The following CSMD3 variants were observed in gnomAD, a reference collection of about 807,000 sequenced individuals.
CSMD3 encodes CUB and sushi domain-containing protein 3.
In CSMD3, 177 loss-of-function variants were observed where a neutral mutation model predicts 435.2. The observed-to-expected ratio is 0.41, with a 90% CI of 0.36 to 0.46. CSMD3 has a LOEUF of 0.46. Among genes scored for constraint, CSMD3 ranks in the 20% least tolerant of loss-of-function variants. The pLI is 0.34. For synonymous variants in CSMD3, 1,656 were observed against 1,520.5 expected (o/e 1.09, Z -2.07); for missense variants, 4,265 against 4,504.6 (o/e 0.95, Z 1.52).
At position 112,367,520 on chromosome 8, in the gene CSMD3, T is replaced by A. The variant is rs578070374; in HGVS notation, c.6136+12832A>T. 7.9e-5 allele frequency among the ~76,000 whole-genome samples: 12 copies of A among 152,276 alleles called. No homozygotes were observed. The South Asian group carries it at 2.5e-3, about 32-fold the overall frequency. On this transcript the variant is annotated intron_variant, in intron 38 of 70. Transcript: ENST00000297405. ...CAGAAGACCAGAAACCTGAGAATCA[T>A]CCTCTACTCCTTTTTCTCTCTCATC...
At chr8:112,567,208 C>T (rs925500844) in intron 24 of CSMD3, among the ~76,000 whole-genome samples, 1 of 152,272 alleles carries the variant, frequency 6.6e-6, no homozygotes, top group African/African-American at 2.4e-5. Flanking sequence ...TTGCTACTCC[C>T]TCTGCCTAGA....
In CSMD3 at chr8:112,649,836, C is replaced by T. The variant is rs144711893; in HGVS notation, c.3193+325G>A. 1.8e-3 allele frequency among the ~76,000 whole-genome samples: 271 copies of T among 152,150 alleles called. 2 individuals carry two copies. Among genetic ancestry groups the T allele is most frequent in the Middle Eastern group, 6.8e-3 (2 of 294 alleles). On this transcript the variant is annotated intron_variant, in intron 19 of 70. Coordinates refer to ENST00000297405, the MANE Select transcript of CSMD3 (RefSeq NM_198123.2). Reference sequence around the variant, plus strand: ...AATGCTGCATTTTTTTCAGGACTTTCTTCTCATACAAATTTGGCATTTTCA... The same window carrying T: ...AATGCTGCATTTTTTTCAGGACTTTTTTCTCATACAAATTTGGCATTTTCA...
chr8:112,782,856 A>G (rs1205241077), intron 13 of CSMD3, among the ~76,000 whole-genome samples: 1 of 152,116 alleles, frequency 6.6e-6, no homozygotes, highest in African/African-American at 2.4e-5. Flanking sequence ...ATAACCTTCA[A>G]ACATGAAGGA....
intron 23 of CSMD3, among the ~76,000 whole-genome samples, chr8:112,575,370 T>C (rs1024696646): frequency 6.6e-6 from 1 of 152,014 alleles, no homozygotes; most frequent in Admixed American, 6.6e-5. Context: ...AGAGAGAAGG[T>C]AGAAATAAGA....
At chr8:112,832,211 G>A (rs772607475) in intron 11 of CSMD3, among the ~76,000 whole-genome samples, 6 of 152,102 alleles carry the variant, frequency 3.9e-5, no homozygotes, top group Non-Finnish European at 8.8e-5. Flanking sequence ...TGTGTGGGAG[G>A]CAGAATTCTA....
intron 10 of CSMD3, among the ~76,000 whole-genome samples, chr8:112,888,794 G>C (rs1359934267): frequency 6.6e-6 from 1 of 151,618 alleles, no homozygotes; most frequent in Admixed American, 6.6e-5. Context: ...CCAGGTGTCA[G>C]AGAGTCCATA....
At chr8:112,458,820 T>A in intron 32 of CSMD3, among the ~76,000 whole-genome samples, 1 of 152,106 alleles carries the variant, frequency 6.6e-6, no homozygotes, top group East Asian at 1.9e-4. Context: ...TGAATTCATA[T>A]CTCAAGTCTA....
At chr8:112,752,484 A>C (rs1345574606) in intron 13 of CSMD3, among the ~76,000 whole-genome samples, 2 of 152,208 alleles carry the variant, frequency 1.3e-5, no homozygotes, top group Non-Finnish European at 2.9e-5. Context: ...GCTAAAGTTT[A>C]GCTAATAGAA....
At chr8:112,923,728 T>G (rs1011036003) in intron 9 of CSMD3, among the ~76,000 whole-genome samples, 2 of 152,196 alleles carry the variant, frequency 1.3e-5, no homozygotes, top group East Asian at 3.8e-4. Flanking sequence ...GTCTCTTATC[T>G]ATTTTGTTTC....
chr8:112,347,794 A>G (rs1421892950), intron 40 of CSMD3, among the ~76,000 whole-genome samples: 6 of 152,222 alleles, frequency 3.9e-5, no homozygotes, highest in Admixed American at 3.3e-4. Context: ...TGTAAAAACA[A>G]TAGTTTGCTC....
intron 5 of CSMD3, among the ~76,000 whole-genome samples, chr8:113,024,679 G>T (rs1006051157): frequency 6.6e-6 from 1 of 152,108 alleles, no homozygotes. Flanking sequence ...TTGTGGTACT[G>T]ATTTACATTT....
rs1274348453 is a variant in CSMD3 at position 112,283,042 on chromosome 8, A to G, written c.9332-1692T>C. On this transcript the variant is annotated intron_variant, in intron 58 of 70. Transcript: ENST00000297405. Reference sequence around the variant, plus strand: ...TCCAAAATTATTTACTTCTCACAAAAATGTTCTGAGTTAGTATTAACATCA... The same window carrying G: ...TCCAAAATTATTTACTTCTCACAAAGATGTTCTGAGTTAGTATTAACATCA... Among the ~76,000 whole-genome samples the G allele has an allele frequency of 3.3e-5, 5 of 152,080 alleles. No homozygotes were observed. In the East Asian group the frequency reaches 9.6e-4, roughly 29 times the overall value.
At chr8:113,408,339 G>A (rs1441667573) in intron 1 of CSMD3, among the ~76,000 whole-genome samples, 2 of 152,048 alleles carry the variant, frequency 1.3e-5, no homozygotes, top group African/African-American at 2.4e-5. Flanking sequence ...TTCAATGATT[G>A]GAAATCATGG....
chr8:112,473,587 A>G (rs184511450), intron 31 of CSMD3, among the ~76,000 whole-genome samples: 25 of 152,270 alleles, frequency 1.6e-4, no homozygotes, highest in Admixed American at 2.6e-4. Context: ...AAGAGTTTCA[A>G]TGAAAAACAA....
intron 45 of CSMD3, among the ~76,000 whole-genome samples, chr8:112,330,051 GAGGTCAGGTCTTT>G (rs2130918835): frequency 6.6e-6 from 1 of 152,156 alleles, no homozygotes; most frequent in East Asian, 1.9e-4. Context: ...AATACAAAAG[GAGGTCAGGTCTTT>G]AGGTTATGTG....
chr8:112,764,744 A>G (rs2077932521), intron 13 of CSMD3, among the ~76,000 whole-genome samples: 1 of 151,602 alleles, frequency 6.6e-6, no homozygotes, highest in African/African-American at 2.4e-5. Context: ...AATATGTTGT[A>G]TGTTCAAAAA....
intron 31 of CSMD3, among the ~76,000 whole-genome samples, chr8:112,473,231 G>A (rs1477138975): frequency 6.6e-6 from 1 of 152,032 alleles, no homozygotes; most frequent in East Asian, 1.9e-4. Context: ...GTGCCTTGAG[G>A]CAGACTTATT....
At position 113,400,205 on chromosome 8, in the gene CSMD3, A is replaced by G. The variant is rs560722624; in HGVS notation, c.178+36472T>C. On this transcript the variant is annotated intron_variant, in intron 1 of 70. Transcript: ENST00000297405. ...CAAAAAATGAAATTTCCCATTTCAA[A>G]TGGTATCCAGCTATAAAGTTGTGAT... 3.7e-3 allele frequency among the ~76,000 whole-genome samples: 564 copies of G among 152,148 alleles called. 7 individuals carry two copies. The highest frequency in any genetic ancestry group is 0.013 in the African/African-American group (538 of 41,562).
intron 27 of CSMD3, among the ~76,000 whole-genome samples, chr8:112,538,113 G>A: frequency 6.6e-6 from 1 of 151,564 alleles, no homozygotes; most frequent in Non-Finnish European, 1.5e-5. Flanking sequence ...TGCAACAAAT[G>A]CTAAAAAAAA....
Sources: gnomAD v4.1 joint callset for allele counts (sites outside exome capture counted in the v4.1 genomes callset) on GRCh38, gnomAD v4.1.1 for gene constraint, MANE v1.5 for transcripts, NCBI Gene and HGNC (gene_info 2026-07-23, HGNC 2026-07-21) for gene names.